VWA8: variants seen among roughly 807,000 people sequenced by gnomAD.
VWA8 encodes von Willebrand factor A domain-containing protein 8.
A neutral mutation model predicts 241.5 loss-of-function variants in VWA8; 221 were observed. That is an observed-to-expected ratio of 0.91 (90% CI 0.82 to 1.02). The LOEUF (loss-of-function observed/expected upper bound fraction) is 1.02. VWA8 is among the 50% of genes least tolerant of loss of function. The pLI, the probability that VWA8 is intolerant of heterozygous loss-of-function variation, is 0.00. For synonymous variants in VWA8, 852 were observed against 827.1 expected (o/e 1.03, Z -0.52); for missense variants, 2,322 against 2,328.7 (o/e 1.00, Z 0.06).
At chr13:41,570,843 ATTTAAT>A in intron 43 of VWA8, 137 bp from the exon 44 acceptor site, 1 of 705,472 alleles carries the variant, frequency 1.4e-6, no homozygotes, top group Non-Finnish European at 2.3e-6. Flanking sequence ...AGTTAGTTCT[ATTTAAT>A]TTGCATATTT....
At chr13:41,602,373 C>T (rs76948295) in intron 40 of VWA8, among the ~76,000 whole-genome samples, 2 of 152,070 alleles carry the variant, frequency 1.3e-5, no homozygotes, top group South Asian at 2.1e-4. Flanking sequence ...GCCGCACCTG[C>T]CTCGCTAGCC....
chr13:41,883,343 G>C (rs1037276165), intron 9 of VWA8, 44 bp downstream of exon 9: 32 of 1,508,776 alleles, frequency 2.1e-5, no homozygotes, highest in Non-Finnish European at 2.8e-5. Context: ...GCAAGGGAAG[G>C]GAAAATGGGA....
intron 43 of VWA8, among the ~76,000 whole-genome samples, chr13:41,572,292 T>C (rs1479605565): frequency 6.6e-6 from 1 of 152,222 alleles, no homozygotes; most frequent in African/African-American, 2.4e-5. Flanking sequence ...CCACCCCGTC[T>C]GGGAGGTGTA....
chr13:41,587,531 T>C lies in VWA8; in HGVS notation c.5252A>G (p.Asn1751Ser), dbSNP rs1381126106. Residue 1751 changes from asparagine to serine, a missense_variant, in exon 42 of 45, where the codon AAC (asparagine) becomes AGC (serine). Transcript: ENST00000379310. ...CATTACCTGGAACTTCTCCTCATAG[T>C]TCTCGAAGGCTTCCATGACCATACA... ...AVCMVMEAFE[N>S]YEEKFQYDIV... The C allele has an allele frequency of 6.2e-7, 1 of 1,614,178 alleles. No individual in the cohort carries two copies. The highest frequency in any genetic ancestry group is 8.5e-7 in the Non-Finnish European group (1 of 1,180,024).
rs9562321 is a variant in VWA8 at position 41,570,717 on chromosome 13, A to C, written c.5371-11T>G. ...GTGGGCATGCATTGTCTGGAGGTAA[A>C]AGAAGTTGCACAAAAGCCATGGCTG... On this transcript the variant is annotated splice_polypyrimidine_tract_variant and intron_variant, in intron 43 of 44. Coordinates refer to ENST00000379310, the MANE Select transcript of VWA8 (RefSeq NM_015058.2). The C allele has an allele frequency of 6.2e-7, 1 of 1,603,976 alleles. No homozygotes were observed. The highest frequency in any genetic ancestry group is 8.5e-7 in the Non-Finnish European group (1 of 1,172,512).
chr13:41,840,416 T>C (rs907801911), intron 12 of VWA8, among the ~76,000 whole-genome samples: 3 of 151,814 alleles, frequency 2.0e-5, no homozygotes, highest in Admixed American at 6.6e-5. Context: ...TGTATACCTA[T>C]GTAACAAACC....
rs773416393 is a variant in VWA8 at position 41,685,148 on chromosome 13, C to T, written c.4226G>A (p.Gly1409Glu). ...CACACAATTGCTTTGTTTTGGAGTCCCCCTTTTCTTCTTTCCTCTATAGAA... is the reference window on the plus strand; with the variant it reads ...CACACAATTGCTTTGTTTTGGAGTCTCCCTTTTCTTCTTTCCTCTATAGAA... ...TSFYRGKKKR[G>E]TPKQSNCVTL... The change falls in exon 35 of 45, where the codon GGG becomes GAG. Residue 1409 changes from glycine (G) to glutamate (E), a missense_variant. By Grantham distance (98) the Gly-to-Glu change is moderately conservative. Coordinates refer to ENST00000379310, the MANE Select transcript of VWA8 (RefSeq NM_015058.2). 7 of 1,613,378 alleles carry T rather than the reference C, an allele frequency of 4.3e-6. No individual in the cohort carries two copies. The Admixed American group carries it at 1.2e-4, about 27-fold the overall frequency.
chr13:41,896,592 T>C (rs1180928949), intron 4 of VWA8, among the ~76,000 whole-genome samples: 2 of 152,132 alleles, frequency 1.3e-5, no homozygotes, highest in South Asian at 2.1e-4. Flanking sequence ...TTAGTATAAA[T>C]TGAATTTTTA....
At position 41,864,430 on chromosome 13, in the gene VWA8, A is replaced by AG. The variant is rs372307229; in HGVS notation, c.1425+1305dup. 1.7e-3 allele frequency among the ~76,000 whole-genome samples: 259 copies of AG among 152,322 alleles called. 2 individuals carry two copies. The highest frequency in any genetic ancestry group is 5.7e-3 in the African/African-American group (239 of 41,568). Reference sequence around the variant, plus strand: ...CAATAGTCTAAAGGAAACAACCCCAAGGTCCATCAACAGACCAATGGAGAA... The same window carrying AG: ...CAATAGTCTAAAGGAAACAACCCCAAGGGTCCATCAACAGACCAATGGAGAA... On this transcript the variant is annotated intron_variant, in intron 12 of 44. Transcript: ENST00000379310.
chr13:41,877,227 T>C (rs2069232), intron 9 of VWA8, among the ~76,000 whole-genome samples: 35,199 of 151,986 alleles, frequency 0.23, 5,100 homozygotes, highest in Non-Finnish European at 0.31. Flanking sequence ...ATGGACATTT[T>C]TGATTTCTCA....
chr13:41,705,262 T>C (rs527710961), intron 26 of VWA8, among the ~76,000 whole-genome samples: 80 of 150,400 alleles, frequency 5.3e-4, no homozygotes, highest in Middle Eastern at 6.9e-3. Context: ...CTTACTTCCA[T>C]CTTTTTACCA....
At chr13:41,793,338 C>T (rs1456334632) in intron 17 of VWA8, among the ~76,000 whole-genome samples, 1 of 151,974 alleles carries the variant, frequency 6.6e-6, no homozygotes, top group Admixed American at 6.6e-5. Flanking sequence ...CCAAATTGCT[C>T]ATGAACCTTT....
At position 41,952,890 on chromosome 13, in the gene VWA8, T is replaced by C. The variant is rs900718206; in HGVS notation, c.164-2877A>G. ...GGAAACCAAAAAAGATGGTGCAGTA[T>C]CCTAGGACTAGCAATAACAGAAAGT... On this transcript the variant is annotated intron_variant, in intron 1 of 44. Coordinates refer to ENST00000379310, the MANE Select transcript of VWA8 (RefSeq NM_015058.2). Among the ~76,000 whole-genome samples, 3 of 152,172 alleles carry C rather than the reference T, an allele frequency of 2.0e-5. No individual in the cohort carries two copies. The South Asian group carries it at 6.2e-4, about 32-fold the overall frequency.
intron 2 of VWA8, among the ~76,000 whole-genome samples, chr13:41,932,908 C>G (rs183659909): frequency 1.6e-4 from 25 of 151,956 alleles, no homozygotes; most frequent in Non-Finnish European, 3.1e-4. Context: ...CGGAATAAGA[C>G]GTTCTCTCTC....
intron 12 of VWA8, among the ~76,000 whole-genome samples, chr13:41,850,130 T>G (rs1294441575): frequency 6.6e-6 from 1 of 152,182 alleles, no homozygotes; most frequent in Non-Finnish European, 1.5e-5. Flanking sequence ...TCCTTGGTCA[T>G]TTTACCTTTG....
At chr13:41,824,759 A>C (rs1262855026) in intron 14 of VWA8, among the ~76,000 whole-genome samples, 1 of 151,838 alleles carries the variant, frequency 6.6e-6, no homozygotes, top group Non-Finnish European at 1.5e-5. Context: ...TTGAGGTTGC[A>C]GTGAACTATG....
intron 9 of VWA8, among the ~76,000 whole-genome samples, chr13:41,882,099 G>A (rs1401840315): frequency 6.7e-6 from 1 of 150,178 alleles, no homozygotes; most frequent in Non-Finnish European, 1.5e-5. Context: ...GGGCGGCCGG[G>A]CAGAGACGCT....
chr13:41,703,340 A>T lies in VWA8; in HGVS notation c.3188T>A (p.Leu1063His). 1 of 1,614,088 alleles carries T rather than the reference A, an allele frequency of 6.2e-7. No homozygotes were observed. Among genetic ancestry groups the T allele is most frequent in the African/African-American group, 1.3e-5 (1 of 75,056 alleles). ...ATGATGAGTTTCCACTGGACACAAG[A>T]GTTTTTGCATCCCACTTCTTGCCTG... Reference protein sequence around the residue: ...IGQARSGMQKLLCPVETHHID... With the variant: ...IGQARSGMQKHLCPVETHHID... Residue 1063 changes from leucine to histidine, a missense_variant, in exon 27 of 45, where the codon CTC becomes CAC. Leu to His is a moderately conservative substitution (Grantham distance 99). Coordinates refer to ENST00000379310, the MANE Select transcript of VWA8 (RefSeq NM_015058.2).
chr13:41,906,291 G>T (rs142475997), intron 4 of VWA8, among the ~76,000 whole-genome samples: 2 of 151,998 alleles, frequency 1.3e-5, no homozygotes, highest in African/African-American at 4.8e-5. Flanking sequence ...AAAGAACTAC[G>T]AAAGTCTCTT....
Sources: allele counts gnomAD v4.1 joint callset (sites outside exome capture counted in the v4.1 genomes callset), GRCh38; gene constraint gnomAD v4.1.1; transcripts MANE v1.5; gene names NCBI Gene and HGNC (gene_info 2026-07-23, HGNC 2026-07-21).